Variants in TM6SF2 observed in about 807,000 individuals in gnomAD.
TM6SF2 encodes transmembrane 6 superfamily member 2.
A neutral mutation model predicts 41.0 loss-of-function variants in TM6SF2; 29 were observed. That is an observed-to-expected ratio of 0.71 (90% confidence interval 0.53 to 0.96). The LOEUF (loss-of-function observed/expected upper bound fraction) is 0.96, where lower values mean the gene tolerates loss of function less well. TM6SF2 is among the 50% of genes least tolerant of loss of function. TM6SF2 has a pLI of 0.00. For missense variants in TM6SF2, 475 were observed against 499.0 expected (o/e 0.95, Z 0.46); for synonymous variants, 200 against 209.1 (o/e 0.96, Z 0.37).
At chr19:19,269,620 G>T in intron 5 of TM6SF2, 67 bp downstream of exon 5, 1 of 1,585,406 alleles carries the variant, frequency 6.3e-7, no homozygotes, top group Non-Finnish European at 8.6e-7. Context: ...TCCAATGGGG[G>T]TGCTTCTAGG....
intron 2 of TM6SF2, among the ~76,000 whole-genome samples, chr19:19,270,672 AT>A (rs1485657881): frequency 2.0e-5 from 3 of 152,104 alleles, no homozygotes; most frequent in Non-Finnish European, 4.4e-5. Flanking sequence ...CCCTGGTTTG[AT>A]TCAGAGGCCC....
rs777652355 is a variant in TM6SF2 at position 19,273,142 on chromosome 19, T to C, written c.74A>G (p.Asn25Ser). Residue 25 changes from asparagine (N) to serine (S), a missense_variant, in exon 1 of 10, where the codon AAC becomes AGC. Asn to Ser is a conservative substitution (Grantham distance 46). Coordinates refer to ENST00000389363, the MANE Select transcript of TM6SF2 (RefSeq NM_001001524.3). ...GCACTGCGAGAGCGCCGAGACGTGG[T>C]TGAGCGCGTAGGACACCGGGAGGGC... ...LSALPVSYAL[N>S]HVSALSHPLW... The C allele has an allele frequency of 2.3e-5, 32 of 1,377,628 alleles. No homozygotes were observed. Among genetic ancestry groups the C allele is most frequent in the East Asian group, 4.3e-5 (1 of 23,198 alleles). 85.3% of individuals were successfully genotyped at this position (1,377,628 alleles called of 1,614,324 possible). A position where few individuals can be genotyped will look rare whatever the true frequency, so the allele number is the denominator to read the frequency against.
rs2146581742 is a variant in TM6SF2 at position 19,273,288 on chromosome 19, T to G, written c.-73A>C. On this transcript the variant is annotated 5_prime_UTR_variant, in exon 1 of 10. Coordinates refer to ENST00000389363, the MANE Select transcript of TM6SF2 (RefSeq NM_001001524.3). ...CGCTCGGCTCCTCGTTGGCGGCGAG[T>G]CCGGGCCGAGGCTGCCAGGGACCCG... The G allele has an allele frequency of 8.4e-7, 1 of 1,195,668 alleles. No individual in the cohort carries two copies. The highest frequency in any genetic ancestry group is 1.1e-6 in the Non-Finnish European group (1 of 929,578). The allele number at this position is 1,195,668 out of a possible 1,614,324, so 74.1% of individuals were successfully genotyped here.
At chr19:19,267,845 G>A (rs146784372) in intron 7 of TM6SF2, 132 bp from the exon 8 acceptor site, 306 of 1,091,952 alleles carry the variant, frequency 2.8e-4, no homozygotes, top group Non-Finnish European at 3.8e-4. Context: ...GGGAGAAATG[G>A]GGCTTTGTCA....
intron 4 of TM6SF2, 127 bp from the exon 5 acceptor site, chr19:19,269,896 G>A (rs1390175132): frequency 7.1e-6 from 11 of 1,556,702 alleles, no homozygotes; most frequent in Non-Finnish European, 5.2e-6. Context: ...AGGATGGAAG[G>A]GACAACAGGG....
chr19:19,266,306 G>A (rs2061002759), intron 9 of TM6SF2, among the ~76,000 whole-genome samples, 184 bp downstream of exon 9: 1 of 152,064 alleles, frequency 6.6e-6, no homozygotes. Flanking sequence ...TATTTTCATG[G>A]GGCTTGGAGT....
intron 1 of TM6SF2, among the ~76,000 whole-genome samples, chr19:19,272,728 T>TGTGTGG (rs1555786937): frequency 4.0e-5 from 6 of 149,720 alleles, no homozygotes; most frequent in Non-Finnish European, 8.9e-5. Flanking sequence ...TGTGTGTGTG[T>TGTGTGG]GAGCAGGAGT....
In TM6SF2 at chr19:19,266,846, C is replaced by A. The variant is rs559686718; in HGVS notation, c.805-237G>T. 1.3e-3 allele frequency: 562 copies of A among 438,010 alleles called. 2 individuals are homozygous for A. The highest frequency in any genetic ancestry group is 2.0e-3 in the Non-Finnish European group (485 of 238,604). 27.1% of individuals were successfully genotyped at this position (438,010 alleles called of 1,614,324 possible). A position where few individuals can be genotyped will look rare whatever the true frequency, so the allele number is the denominator to read the frequency against. ...AAAGTGGCATGCGACCCTGGCCTAGCCAGTCGGAGCATTCCAGCCCCCTGT... is the reference window on the plus strand; with the variant it reads ...AAAGTGGCATGCGACCCTGGCCTAGACAGTCGGAGCATTCCAGCCCCCTGT... On this transcript the variant is annotated intron_variant, in intron 8 of 9. Transcript: ENST00000389363.
intron 8 of TM6SF2, among the ~76,000 whole-genome samples, chr19:19,267,388 A>AAAAG (rs966079231): frequency 9.1e-5 from 9 of 99,246 alleles, no homozygotes; most frequent in Non-Finnish European, 1.9e-4. Flanking sequence ...AAAAAAAAGA[A>AAAAG]AAAGAAAGAA....
chr19:19,270,259 G>A lies in TM6SF2; in HGVS notation c.315C>T (p.Arg105=). The change falls in exon 4 of 10, where the codon CGC becomes CGT. Residue 105 remains arginine, a synonymous_variant. Coordinates refer to ENST00000389363, the MANE Select transcript of TM6SF2 (RefSeq NM_001001524.3). The part of the protein sequence containing the change: ...FYTKEGEPYL[R]TAHGVFICYW... The stretch of plus-strand genomic sequence containing the variant: ...AGCAGATGAAGACTCCGTGCGCTGT[G>A]CGCAGGTATGGCTCTCCCTGTGGGG... 6.2e-7 allele frequency: 1 copy of A among 1,614,240 alleles called. No individual in the cohort carries two copies. The highest frequency in any genetic ancestry group is 8.5e-7 in the Non-Finnish European group (1 of 1,180,044).
intron 9 of TM6SF2, among the ~76,000 whole-genome samples, chr19:19,265,582 C>A (rs1599835908): frequency 6.6e-6 from 1 of 151,934 alleles, no homozygotes; most frequent in African/African-American, 2.4e-5. Context: ...CCATGCCCAG[C>A]TAATTTTTGT....
Position 19,266,550 on chromosome 19 carries a change from G to A in TM6SF2, c.864C>T (p.Thr288=), listed in dbSNP as rs775768034. The change falls in exon 9 of 10, where the codon ACC becomes ACT. Residue 288 remains threonine, a synonymous_variant. Coordinates refer to ENST00000389363, the MANE Select transcript of TM6SF2 (RefSeq NM_001001524.3). ...CTGGAAGCCAGGAGCAACCAGGGAA[G>A]GTGAGAGCATAGGCAGCCAGGCCGC... is the stretch of plus-strand genomic sequence containing the variant. ...PFCGLAAYAL[T]FPGCSWLPDW... The A allele has an allele frequency of 6.2e-7, 1 of 1,613,962 alleles. No individual in the cohort carries two copies. The highest frequency in any genetic ancestry group is 1.1e-5 in the South Asian group (1 of 91,082).
At chr19:19,269,585 C>A in intron 5 of TM6SF2, 102 bp downstream of exon 5, 5 of 1,408,804 alleles carry the variant, frequency 3.5e-6, no homozygotes, top group Non-Finnish European at 4.9e-6. Flanking sequence ...GGGGCCTCTG[C>A]AGACATCAGG....
At chr19:19,265,414 C>T (rs2061000260) in intron 9 of TM6SF2, among the ~76,000 whole-genome samples, 3 of 114,848 alleles carry the variant, frequency 2.6e-5, no homozygotes, top group Middle Eastern at 0.011. Flanking sequence ...ATCCATCCAT[C>T]CATCTATCTA....
chr19:19,270,971 G>T, intron 2 of TM6SF2, 51 bp downstream of exon 2: 1 of 1,508,050 alleles, frequency 6.6e-7, no homozygotes, highest in Non-Finnish European at 9.2e-7. Flanking sequence ...GTCTGAGGGT[G>T]GAGGCCCTTG....
intron 1 of TM6SF2, 56 bp downstream of exon 1, chr19:19,273,065 C>CAG: frequency 4.4e-6 from 2 of 451,450 alleles, no homozygotes; most frequent in Non-Finnish European, 8.0e-6. Context: ...CAGTCCTCCC[C>CAG]GCCCCCGCCC....
chr19:19,268,277 C>G (rs996306987), intron 6 of TM6SF2, among the ~76,000 whole-genome samples, 190 bp from the exon 7 acceptor site: 2 of 150,296 alleles, frequency 1.3e-5, no homozygotes, highest in African/African-American at 4.9e-5. Context: ...ACAGTCTCAG[C>G]TCACTGCAGC....
intron 1 of TM6SF2, among the ~76,000 whole-genome samples, chr19:19,272,362 T>A (rs760256070): frequency 1.3e-5 from 2 of 152,216 alleles, no homozygotes; most frequent in Non-Finnish European, 2.9e-5. Flanking sequence ...AGATCTAGGA[T>A]CGTGCCCATT....
rs1568610564 is a variant in TM6SF2 at position 19,264,421 on chromosome 19, G to A, written c.*243C>T. 1 of 370,422 alleles carries A rather than the reference G, an allele frequency of 2.7e-6. No homozygotes were observed. The highest frequency in any genetic ancestry group is 2.1e-5 in the African/African-American group (1 of 48,026). 22.9% of individuals were successfully genotyped at this position (370,422 alleles called of 1,614,324 possible). ...GGATCCATGGGGGGATGATGGGTAA[G>A]TTCTGGAAGGGGTAGAAGCGTTTGT... On this transcript the variant is annotated 3_prime_UTR_variant, in exon 10 of 10. Transcript: ENST00000389363.
Sources: gnomAD v4.1 joint callset for allele counts (sites outside exome capture counted in the v4.1 genomes callset) on GRCh38, gnomAD v4.1.1 for gene constraint, MANE v1.5 for transcripts, NCBI Gene and HGNC (gene_info 2026-07-23, HGNC 2026-07-21) for gene names.